The following IL1RAPL1 variants were observed in gnomAD, a reference collection of about 807,000 sequenced individuals.
IL1RAPL1 encodes the protein interleukin 1 receptor accessory protein like 1.
IL1RAPL1 carries 3 observed loss-of-function variants against 48.4 expected under a neutral mutation model. The ratio of observed to expected loss-of-function variants is 0.06; its 90% CI spans 0.03 to 0.16. The LOEUF (loss-of-function observed/expected upper bound fraction) is 0.16, where lower values mean the gene tolerates loss of function less well. IL1RAPL1 is among the 10% of genes least tolerant of loss of function. The pLI, the probability that IL1RAPL1 is intolerant of heterozygous loss-of-function variation, is 1.00. For synonymous variants in IL1RAPL1, 185 were observed against 187.7 expected (o/e 0.99, Z 0.12); for missense variants, 349 against 530.6 (o/e 0.66, Z 3.36).
At chrX:29,815,697 A>G (rs1364883326) in intron 6 of IL1RAPL1, among the ~76,000 whole-genome samples, 1 of 110,622 alleles carries the variant, frequency 9.0e-6, no homozygotes, top group Admixed American at 9.7e-5. Flanking sequence ...CCTGTTAAGT[A>G]TGGTGTTGGC....
chrX:29,674,045 G>A (rs948389563), intron 6 of IL1RAPL1, among the ~76,000 whole-genome samples: 1 of 112,332 alleles, frequency 8.9e-6, no homozygotes, highest in Non-Finnish European at 1.9e-5. Flanking sequence ...TGGTGACAGA[G>A]AGGAGAAATA....
intron 2 of IL1RAPL1, among the ~76,000 whole-genome samples, chrX:29,076,501 T>A (rs1267848492): frequency 8.9e-6 from 1 of 111,920 alleles, no homozygotes; most frequent in Non-Finnish European, 1.9e-5. Context: ...TTCAGGTCAC[T>A]AAGTATACTT....
intron 1 of IL1RAPL1, among the ~76,000 whole-genome samples, chrX:28,769,479 A>G (rs1936287625): frequency 9.0e-6 from 1 of 111,589 alleles, no homozygotes; most frequent in Non-Finnish European, 1.9e-5. Flanking sequence ...CATATTGGAG[A>G]CAGCTATCTA....
intron 1 of IL1RAPL1, among the ~76,000 whole-genome samples, chrX:28,607,356 A>G (rs1934095371): frequency 9.0e-6 from 1 of 111,367 alleles, no homozygotes; most frequent in African/African-American, 3.3e-5. Context: ...AAAGATATAG[A>G]TTCTAGAATT....
At chrX:29,656,982 C>T (rs756209718) in intron 5 of IL1RAPL1, among the ~76,000 whole-genome samples, 1 of 110,702 alleles carries the variant, frequency 9.0e-6, no homozygotes, top group East Asian at 2.8e-4. Flanking sequence ...ATCTCTTCCC[C>T]GTACCCTATC....
chrX:28,773,176 A>T (rs1403545880), intron 1 of IL1RAPL1, among the ~76,000 whole-genome samples: 1 of 110,852 alleles, frequency 9.0e-6, no homozygotes, highest in Non-Finnish European at 1.9e-5. Context: ...TGGGCTCAAG[A>T]TATCCACCCA....
chrX:29,692,591 A>G (rs985946727), intron 6 of IL1RAPL1, among the ~76,000 whole-genome samples: 40 of 112,415 alleles, frequency 3.6e-4, no homozygotes, highest in Non-Finnish European at 1.7e-4. Flanking sequence ...ATAGCAGCCT[A>G]TTCTTGTCAC....
chrX:29,425,343 G>A (rs771507172), intron 5 of IL1RAPL1, among the ~76,000 whole-genome samples: 87 of 111,758 alleles, frequency 7.8e-4, no homozygotes, highest in African/African-American at 2.8e-3. Flanking sequence ...AACAGGAAAG[G>A]TTCTGAGGGC....
At position 29,438,956 on chromosome X, in the gene IL1RAPL1, G is replaced by A. The variant is rs139072298; in HGVS notation, c.703+39648G>A. ...AAGAATCTTGCCATGTACACAGTTG[G>A]TGCTTATGAAGGGTTTGTTAAACTG... On this transcript the variant is annotated intron_variant, in intron 5 of 10. Coordinates refer to ENST00000378993, the MANE Select transcript of IL1RAPL1 (RefSeq NM_014271.4). 4.1e-3 allele frequency among the ~76,000 whole-genome samples: 459 copies of A among 110,605 alleles called. 2 individuals are homozygous for A. The highest frequency in any genetic ancestry group is 6.8e-3 in the South Asian group (18 of 2,657).
chrX:29,558,344 C>G (rs1922073725), intron 5 of IL1RAPL1, among the ~76,000 whole-genome samples: 1 of 111,821 alleles, frequency 8.9e-6, no homozygotes, highest in African/African-American at 3.2e-5. Context: ...TTTTGAGAAA[C>G]ATATATTAAA....
intron 1 of IL1RAPL1, among the ~76,000 whole-genome samples, chrX:28,673,832 A>T (rs1458077082): frequency 8.9e-6 from 1 of 111,787 alleles, no homozygotes; most frequent in Non-Finnish European, 1.9e-5. Flanking sequence ...ATCGTCTAGG[A>T]TTGACATCAC....
intron 3 of IL1RAPL1, among the ~76,000 whole-genome samples, chrX:29,322,009 C>CAA (rs777547906): frequency 4.1e-5 from 4 of 97,944 alleles, no homozygotes; most frequent in African/African-American, 1.1e-4. Context: ...TCATATTTTG[C>CAA]AAAAAAAAAA....
chrX:29,598,087 G>A (rs1014311883), intron 5 of IL1RAPL1, among the ~76,000 whole-genome samples: 25 of 111,308 alleles, frequency 2.2e-4, no homozygotes, highest in African/African-American at 8.2e-4. Flanking sequence ...GATTGTTCTT[G>A]CTTCTCCAGT....
At chrX:29,308,700 T>G (rs895742931) in intron 3 of IL1RAPL1, among the ~76,000 whole-genome samples, 1 of 112,360 alleles carries the variant, frequency 8.9e-6, no homozygotes, top group Non-Finnish European at 1.9e-5. Context: ...AAATTCTAAT[T>G]TCTTAAGGAT....
intron 2 of IL1RAPL1, among the ~76,000 whole-genome samples, chrX:29,224,137 G>T (rs777627080): frequency 2.7e-5 from 3 of 111,255 alleles, no homozygotes; most frequent in South Asian, 3.8e-4. Context: ...AAATTAATAT[G>T]CATCTAATTA....
At chrX:29,284,535 G>A in intron 3 of IL1RAPL1, among the ~76,000 whole-genome samples, 1 of 111,935 alleles carries the variant, frequency 8.9e-6, no homozygotes, top group Non-Finnish European at 1.9e-5. Context: ...TTTAGGCGAG[G>A]AGTTCGAGAC....
At chrX:28,690,997 C>T (rs1254672461) in intron 1 of IL1RAPL1, among the ~76,000 whole-genome samples, 3 of 111,639 alleles carry the variant, frequency 2.7e-5, no homozygotes, top group Non-Finnish European at 1.9e-5. Flanking sequence ...ATGTTATATT[C>T]TCAAAATTAA....
In IL1RAPL1 at chrX:29,803,233, A is replaced by G. The variant is rs1319406085; in HGVS notation, c.779-114231A>G. The stretch of plus-strand genomic sequence containing the variant: ...TGTATATATGTATACATATACACAC[A>G]TGTATATATGTATACATATACACAC... On this transcript the variant is annotated intron_variant, in intron 6 of 10. Transcript: ENST00000378993. 4.2e-4 allele frequency among the ~76,000 whole-genome samples: 15 copies of G among 35,659 alleles called. 2 individuals carry two copies. The highest frequency in any genetic ancestry group is 1.8e-3 in the African/African-American group (15 of 8,194). The allele number at this position is 35,659 out of a possible 115,157, so 31.0% of individuals were successfully genotyped here.
chrX:29,601,120 G>A (rs1279853809), intron 5 of IL1RAPL1, among the ~76,000 whole-genome samples: 1 of 111,337 alleles, frequency 9.0e-6, no homozygotes, highest in Non-Finnish European at 1.9e-5. Flanking sequence ...TTTTAACTTG[G>A]GTATGTTTTT....
Sources: allele counts gnomAD v4.1 joint callset (sites outside exome capture counted in the v4.1 genomes callset), GRCh38; gene constraint gnomAD v4.1.1; transcripts MANE v1.5; gene names NCBI Gene and HGNC (gene_info 2026-07-23, HGNC 2026-07-21).